The following ZNF654 variants were observed in gnomAD, a reference collection of about 807,000 sequenced individuals.
ZNF654 encodes zinc finger protein 654.
In ZNF654, 19 loss-of-function variants were observed where a neutral mutation model predicts 95.3. That is an observed-to-expected ratio of 0.20 (90% CI 0.14 to 0.29). ZNF654 has a LOEUF of 0.29. Among genes scored for constraint, ZNF654 ranks in the 10% least tolerant of loss-of-function variants. ZNF654 has a pLI of 1.00. For missense variants in ZNF654, 1,046 were observed against 1,341.0 expected, an observed-to-expected ratio of 0.78 and a Z score of 3.44; for synonymous variants, 413 against 457.9, an observed-to-expected ratio of 0.90 and a Z score of 1.25.
At chr3:88,130,825 G>T (rs1706414183) in intron 6 of ZNF654, among the ~76,000 whole-genome samples, 1 of 151,994 alleles carries the variant, frequency 6.6e-6, no homozygotes, top group South Asian at 2.1e-4. Flanking sequence ...GTTAGGAGGA[G>T]ACCTGGATCT....
intron 2 of ZNF654, among the ~76,000 whole-genome samples, chr3:88,091,842 G>A (rs1708648295): frequency 6.6e-6 from 1 of 152,048 alleles, no homozygotes; most frequent in African/African-American, 2.4e-5. Flanking sequence ...TGATTGTGAG[G>A]CCTCCTCAGC....
At chr3:88,086,638 A>G (rs1220572602) in intron 2 of ZNF654, among the ~76,000 whole-genome samples, 1 of 152,226 alleles carries the variant, frequency 6.6e-6, no homozygotes, top group Non-Finnish European at 1.5e-5. Flanking sequence ...TACTACAAGC[A>G]CTTTACTTTC....
intron 1 of ZNF654, among the ~76,000 whole-genome samples, chr3:88,078,102 T>C (rs1339415741): frequency 6.6e-6 from 1 of 152,222 alleles, no homozygotes; most frequent in African/African-American, 2.4e-5. Context: ...TTTCAAACTA[T>C]TGTGAATATC....
rs553674284 is a variant in ZNF654 at position 88,118,831 on chromosome 3, T to G, written c.414+5635T>G. ...ACTGTGTGACAAATCAAAACCACAA[T>G]GAGATACCATCTCACACCAGTTAGA... On this transcript the variant is annotated intron_variant, in intron 3 of 8. Coordinates refer to ENST00000636215, the MANE Select transcript of ZNF654 (RefSeq NM_001350134.2). Among the ~76,000 whole-genome samples the G allele has an allele frequency of 1.3e-3, 194 of 152,160 alleles. 1 individual carries two copies. Among genetic ancestry groups the G allele is most frequent in the Non-Finnish European group, 1.7e-3 (116 of 67,990 alleles).
intron 2 of ZNF654, among the ~76,000 whole-genome samples, chr3:88,102,561 C>A (rs1704487923): frequency 1.3e-5 from 2 of 152,160 alleles, no homozygotes; most frequent in Non-Finnish European, 2.9e-5. Flanking sequence ...TTCTCTATCA[C>A]TGGGATTCAC....
intron 2 of ZNF654, among the ~76,000 whole-genome samples, chr3:88,097,790 CA>C (rs998403852): frequency 6.6e-6 from 1 of 152,060 alleles, no homozygotes. Flanking sequence ...CCAATGAGAA[CA>C]AAGACACAAC....
rs114913007 is a variant in ZNF654 at position 88,111,826 on chromosome 3, T to C, written c.333-1289T>C. On this transcript the variant is annotated intron_variant, in intron 2 of 8. Transcript: ENST00000636215. ...CTGTTTCTATACACCAAAGCCATCATAGAATACATCATCTCTTTTATTTTC... is the reference window on the plus strand; with the variant it reads ...CTGTTTCTATACACCAAAGCCATCACAGAATACATCATCTCTTTTATTTTC... 5.2e-3 allele frequency among the ~76,000 whole-genome samples: 786 copies of C among 152,106 alleles called. 7 individuals are homozygous for C. Among genetic ancestry groups the C allele is most frequent in the African/African-American group, 0.018 (756 of 41,552 alleles).
At chr3:88,119,054 T>A (rs1705592950) in intron 3 of ZNF654, among the ~76,000 whole-genome samples, 2 of 149,576 alleles carry the variant, frequency 1.3e-5, no homozygotes, top group African/African-American at 5.0e-5. Flanking sequence ...CAAAGGACTA[T>A]AAATCATGCT....
intron 2 of ZNF654, among the ~76,000 whole-genome samples, chr3:88,097,717 G>A (rs1559707998): frequency 6.6e-6 from 1 of 151,976 alleles, no homozygotes; most frequent in Non-Finnish European, 1.5e-5. Context: ...CTGAACAACC[G>A]GCTCCTGAAT....
At chr3:88,067,563 G>C (rs77758841) in intron 1 of ZNF654, among the ~76,000 whole-genome samples, 2,013 of 152,320 alleles carry the variant, frequency 0.013, 35 homozygotes, top group African/African-American at 0.045. Context: ...TTCAAATAAA[G>C]TTTGAGAAGG....
At position 88,095,473 on chromosome 3, in the gene ZNF654, T is replaced by C; in HGVS notation, c.332+9071T>C. 2.0e-5 allele frequency: 8 copies of C among 402,562 alleles called. 1 individual carries two copies. The highest frequency in any genetic ancestry group is 1.5e-4 in the South Asian group (8 of 52,258). 24.9% of individuals were successfully genotyped at this position (402,562 alleles called of 1,614,324 possible). A position where few individuals can be genotyped will look rare whatever the true frequency, so the allele number is the denominator to read the frequency against. On this transcript the variant is annotated intron_variant, in intron 2 of 8. Transcript: ENST00000636215. Reference sequence around the variant, plus strand: ...TCAAGGTACGCATGCAACATCAGTCTCTCTTCATAAAATGCTGTCATAATT... The same window carrying C: ...TCAAGGTACGCATGCAACATCAGTCCCTCTTCATAAAATGCTGTCATAATT...
Position 88,139,933 on chromosome 3 carries a change from G to A in ZNF654, c.2264G>A (p.Arg755Gln), listed in dbSNP as rs983170470. 6.8e-6 allele frequency: 11 copies of A among 1,613,442 alleles called. No individual in the cohort carries two copies. The highest frequency in any genetic ancestry group is 1.3e-5 in the African/African-American group (1 of 74,862). Residue 755 changes from arginine (R) to glutamine (Q), a missense_variant, in exon 8 of 9, where the codon CGG (arginine) becomes CAG (glutamine). Arg to Gln is a conservative substitution (Grantham distance 43). This residue lies in a region of ZNF654 where 495 missense variants were observed against 537.0 expected (regional missense o/e 0.92). Coordinates refer to ENST00000636215, the MANE Select transcript of ZNF654 (RefSeq NM_001350134.2). ...NFKCPALGCV[R>Q]IFKRIGFLNK... ...AAGTGTCCTGCTCTTGGTTGTGTCC[G>A]GATATTTAAAAGAATTGGGTTTCTA...
intron 2 of ZNF654, among the ~76,000 whole-genome samples, chr3:88,099,610 C>T (rs1218761105): frequency 1.3e-5 from 2 of 152,164 alleles, no homozygotes; most frequent in Non-Finnish European, 2.9e-5. Context: ...CAGCATGGTA[C>T]TGGTACCAAA....
intron 1 of ZNF654, among the ~76,000 whole-genome samples, chr3:88,064,662 A>G (rs1191466514): frequency 6.6e-6 from 1 of 152,194 alleles, no homozygotes; most frequent in East Asian, 1.9e-4. Context: ...CTGTTAAGCC[A>G]GTTACCACCC....
At chr3:88,100,194 C>T (rs987162298) in intron 2 of ZNF654, among the ~76,000 whole-genome samples, 1 of 152,186 alleles carries the variant, frequency 6.6e-6, no homozygotes, top group Non-Finnish European at 1.5e-5. Context: ...CAAAAGAAGA[C>T]ATTTATGCAG....
At chr3:88,105,637 A>T (rs1269727466) in intron 2 of ZNF654, among the ~76,000 whole-genome samples, 1 of 152,190 alleles carries the variant, frequency 6.6e-6, no homozygotes, top group Admixed American at 6.5e-5. Context: ...TAACCTACCC[A>T]CAAAATCTGG....
intron 3 of ZNF654, among the ~76,000 whole-genome samples, chr3:88,117,777 G>GT (rs1705499206): frequency 6.6e-6 from 1 of 152,096 alleles, no homozygotes; most frequent in Non-Finnish European, 1.5e-5. Context: ...AGAATCAAAT[G>GT]TATTTTTGGG....
chr3:88,122,156 G>A (rs1705806877), intron 3 of ZNF654, among the ~76,000 whole-genome samples: 1 of 152,074 alleles, frequency 6.6e-6, no homozygotes, highest in African/African-American at 2.4e-5. Flanking sequence ...GGGGAAAGTG[G>A]GATTGTGTAA....
In ZNF654 at chr3:88,140,514, A is replaced by G. The variant is rs773738869; in HGVS notation, c.2845A>G (p.Thr949Ala). 1.2e-5 allele frequency: 19 copies of G among 1,613,644 alleles called. No homozygotes were observed. Among genetic ancestry groups the G allele is most frequent in the African/African-American group, 2.7e-5 (2 of 74,916 alleles). Residue 949 changes from threonine (T) to alanine (A), a missense_variant, in exon 8 of 9, where the codon ACT (threonine) becomes GCT (alanine). Coordinates refer to ENST00000636215, the MANE Select transcript of ZNF654 (RefSeq NM_001350134.2). Reference protein sequence around the residue: ...VQNGNERSDDTVSNISLIDQK... With the variant: ...VQNGNERSDDAVSNISLIDQK... Reference sequence around the variant, plus strand: ...GAATGGAAACGAACGTTCTGATGACACTGTTTCAAATATAAGCTTGATAGA... The same window carrying G: ...GAATGGAAACGAACGTTCTGATGACGCTGTTTCAAATATAAGCTTGATAGA...
Sources: allele counts gnomAD v4.1 joint callset (sites outside exome capture counted in the v4.1 genomes callset), GRCh38; gene constraint gnomAD v4.1.1; regional missense constraint gnomAD v4.1.1; transcripts MANE v1.5; gene names NCBI Gene and HGNC (gene_info 2026-07-23, HGNC 2026-07-21).